MAGI1: variants seen among roughly 807,000 people sequenced by gnomAD.
The protein encoded by MAGI1 is membrane associated guanylate kinase, WW and PDZ domain containing 1, also known as membrane-associated guanylate kinase, WW and PDZ domain-containing protein 1.
Under a neutral mutation model 139.9 loss-of-function variants are expected in MAGI1, and 58 were observed. That is an observed-to-expected ratio of 0.41 (90% confidence interval 0.34 to 0.52). The LOEUF (loss-of-function observed/expected upper bound fraction) is 0.52. Ranked by LOEUF, MAGI1 falls within the 20% of genes least tolerant of loss-of-function variation. MAGI1 has a pLI of 0.12. For synonymous variants in MAGI1, 812 were observed against 737.9 expected (o/e 1.10, Z -1.63); for missense variants, 1,874 against 1,901.6 (o/e 0.99, Z 0.27).
chr3:65,748,984 C>T (rs1175720096), intron 1 of MAGI1, among the ~76,000 whole-genome samples: 3 of 152,084 alleles, frequency 2.0e-5, no homozygotes, highest in Admixed American at 6.6e-5. Context: ...AGATGGTATC[C>T]TCAAACAGGC....
At chr3:65,520,041 G>A (rs947337937) in intron 2 of MAGI1, among the ~76,000 whole-genome samples, 1 of 152,124 alleles carries the variant, frequency 6.6e-6, no homozygotes, top group African/African-American at 2.4e-5. Flanking sequence ...GAAAAAAGGA[G>A]GCTCCCAGCC....
chr3:65,598,199 G>A (rs1379857375), intron 2 of MAGI1, among the ~76,000 whole-genome samples: 1 of 152,058 alleles, frequency 6.6e-6, no homozygotes, highest in Non-Finnish European at 1.5e-5. Context: ...TATCTAGGCC[G>A]GGGGGATTAG....
chr3:65,719,079 T>TA (rs2032660011), intron 1 of MAGI1, among the ~76,000 whole-genome samples: 1 of 128,838 alleles, frequency 7.8e-6, no homozygotes, highest in African/African-American at 2.8e-5. Flanking sequence ...CTAAAAACAA[T>TA]AAAAAAACAT....
At position 65,429,803 on chromosome 3, in the gene MAGI1, A is replaced by G. The variant is rs775325477; in HGVS notation, c.1884T>C (p.Thr628=). 1 of 1,614,002 alleles carries G rather than the reference A, an allele frequency of 6.2e-7. No homozygotes were observed. Among genetic ancestry groups the G allele is most frequent in the South Asian group, 1.1e-5 (1 of 91,082 alleles). Residue 628 remains threonine (T), a synonymous_variant, in exon 12 of 23, where the codon ACT becomes ACC. Transcript: ENST00000402939. ...TGGCTATGGAGGAAGCCAAAGAAAC[A>G]GTGTCATTAGGATAACCATGAGAAC... ...SNSSHGYPND[T]VSLASSIATQ...
intron 1 of MAGI1, among the ~76,000 whole-genome samples, chr3:65,728,805 T>C (rs2033880880): frequency 6.6e-6 from 1 of 152,192 alleles, no homozygotes; most frequent in African/African-American, 2.4e-5. Flanking sequence ...GGGATAAAAC[T>C]TTTTTAACTG....
chr3:66,013,878 G>C (rs1038300518), intron 1 of MAGI1, among the ~76,000 whole-genome samples: 25 of 152,012 alleles, frequency 1.6e-4, no homozygotes, highest in Admixed American at 6.5e-4. Context: ...TCAATGATTT[G>C]ACTGAAGACT....
intron 1 of MAGI1, among the ~76,000 whole-genome samples, chr3:65,950,044 CAAAAAAAA>C (rs143046732): frequency 6.0e-5 from 3 of 49,790 alleles, no homozygotes. Flanking sequence ...GCCAGATCAT[CAAAAAAAA>C]AAAAAACAAA....
chr3:65,992,603 T>C (rs1576389015), intron 1 of MAGI1, among the ~76,000 whole-genome samples: 1 of 152,180 alleles, frequency 6.6e-6, no homozygotes, highest in Non-Finnish European at 1.5e-5. Context: ...ATGCAGATTA[T>C]CATCTAATAC....
At chr3:65,442,961 C>T (rs1212097768) in intron 7 of MAGI1, 112 bp from the exon 8 acceptor site, 1 of 738,854 alleles carries the variant, frequency 1.4e-6, no homozygotes, top group East Asian at 2.5e-5. Context: ...TGCTTTAAAT[C>T]CAATTAAAAC....
intron 1 of MAGI1, among the ~76,000 whole-genome samples, chr3:65,650,112 G>C (rs985526237): frequency 1.1e-4 from 17 of 152,130 alleles, no homozygotes; most frequent in African/African-American, 4.1e-4. Flanking sequence ...TCAAGAACAG[G>C]CTGGTTCCTC....
At chr3:65,624,624 C>A (rs2083868031) in intron 1 of MAGI1, among the ~76,000 whole-genome samples, 1 of 152,092 alleles carries the variant, frequency 6.6e-6, no homozygotes, top group South Asian at 2.1e-4. Context: ...TCAGTTGTTA[C>A]AGAGAGCGGA....
chr3:65,924,374 C>G (rs987108103), intron 1 of MAGI1, among the ~76,000 whole-genome samples: 1 of 152,164 alleles, frequency 6.6e-6, no homozygotes, highest in Non-Finnish European at 1.5e-5. Context: ...CTCCCCAGAA[C>G]ACTGTAAAAT....
rs576708195 is a variant in MAGI1 at position 65,643,758 on chromosome 3, G to A, written c.314-21670C>T. Among the ~76,000 whole-genome samples the A allele has an allele frequency of 1.3e-4, 20 of 152,224 alleles. No individual in the cohort carries two copies. The South Asian group carries it at 2.5e-3, about 19-fold the overall frequency. Reference sequence around the variant, plus strand: ...ATAAGGAAAACTGTTACACAATAACGGCTCTACTTCAGCCAAATACCACAG... The same window carrying A: ...ATAAGGAAAACTGTTACACAATAACAGCTCTACTTCAGCCAAATACCACAG... On this transcript the variant is annotated intron_variant, in intron 1 of 22. Coordinates refer to ENST00000402939, the MANE Select transcript of MAGI1 (RefSeq NM_001033057.2).
At chr3:65,543,324 A>G (rs2079336820) in intron 2 of MAGI1, among the ~76,000 whole-genome samples, 1 of 152,172 alleles carries the variant, frequency 6.6e-6, no homozygotes, top group Non-Finnish European at 1.5e-5. Context: ...TAGTTCAACC[A>G]TTGTGGAAGA....
At chr3:65,901,166 A>C (rs2061215810) in intron 1 of MAGI1, among the ~76,000 whole-genome samples, 1 of 152,210 alleles carries the variant, frequency 6.6e-6, no homozygotes, top group Admixed American at 6.5e-5. Flanking sequence ...AGAGCCCAAC[A>C]TAAAGACTAT....
chr3:65,950,068 A>C (rs2888301), intron 1 of MAGI1, among the ~76,000 whole-genome samples: 315 of 4,686 alleles, frequency 0.067, 3 homozygotes, highest in East Asian at 0.18. Flanking sequence ...ACAAAAAAAC[A>C]AAAAAAAAAC....
intron 1 of MAGI1, among the ~76,000 whole-genome samples, chr3:65,897,962 T>C (rs1452088230): frequency 6.6e-6 from 1 of 152,190 alleles, no homozygotes. Context: ...GGATCACTTT[T>C]AAAGGCATAC....
intron 1 of MAGI1, among the ~76,000 whole-genome samples, chr3:65,740,124 C>T (rs1299331266): frequency 6.6e-6 from 1 of 152,196 alleles, no homozygotes; most frequent in Non-Finnish European, 1.5e-5. Context: ...AGTATGCATG[C>T]GTACTCCCAC....
At chr3:65,811,765 T>C (rs1461740912) in intron 1 of MAGI1, among the ~76,000 whole-genome samples, 1 of 151,848 alleles carries the variant, frequency 6.6e-6, no homozygotes, top group Non-Finnish European at 1.5e-5. Flanking sequence ...CATTCCTAAG[T>C]ACCAGTCCAT....
Sources: allele counts gnomAD v4.1 joint callset (sites outside exome capture counted in the v4.1 genomes callset), GRCh38; gene constraint gnomAD v4.1.1; transcripts MANE v1.5; gene names NCBI Gene and HGNC (gene_info 2026-07-23, HGNC 2026-07-21).